Variants in SLC7A10 observed in about 807,000 individuals in gnomAD.
SLC7A10 encodes the protein asc-type amino acid transporter 1.
A neutral mutation model predicts 52.7 loss-of-function variants in SLC7A10; 30 were observed. The observed-to-expected ratio is 0.57, with a 90% CI of 0.43 to 0.77. SLC7A10 has a LOEUF of 0.77. Among genes scored for constraint, SLC7A10 ranks in the 30% least tolerant of loss-of-function variants. SLC7A10 has a pLI of 0.00. For synonymous variants in SLC7A10, 318 were observed against 314.9 expected (o/e 1.01, Z -0.10); for missense variants, 581 against 698.5 (o/e 0.83, Z 1.90).
In SLC7A10 at chr19:33,208,703, G is replaced by A. The variant is rs11542481; in HGVS notation, c.*188C>T. ...GTTTATTTATAGGCCTTTTCAGGAA[G>A]AGCTAGCAGGGCAGTGCTAAGACAG... On this transcript the variant is annotated 3_prime_UTR_variant, in exon 11 of 11. Coordinates refer to ENST00000253188, the MANE Select transcript of SLC7A10 (RefSeq NM_019849.3). The surrounding 1 kb of genome is among the most constrained non-coding windows in gnomAD (Gnocchi z 4.7). 42,337 of 710,012 alleles carry A rather than the reference G, an allele frequency of 0.06. 2,688 individuals are homozygous for A. Among genetic ancestry groups the A allele is most frequent in the African/African-American group, 0.26 (14,656 of 55,910 alleles). The allele number at this position is 710,012 out of a possible 1,614,324, so 44.0% of individuals were successfully genotyped here.
chr19:33,215,630 ACCC>A, intron 2 of SLC7A10, 136 bp downstream of exon 2: 1 of 288,770 alleles, frequency 3.5e-6, no homozygotes, highest in Non-Finnish European at 4.8e-6. Flanking sequence ...CTCTCCATCC[ACCC>A]CCCACACCTT....
In SLC7A10 at chr19:33,208,898, G is replaced by A. The variant is rs376190770; in HGVS notation, c.1565C>T (p.Pro522Leu). ...TCAGTCTCTACAAAAATCTCATTGT[G>A]GCTTCGAGGGCTTGTCTGTGGCAGG... ...LLPATDKPSKPQ is the reference protein window; with the variant it reads ...LLPATDKPSKLQ The change falls in exon 11 of 11, where the codon CCA (proline) becomes CTA (leucine). Residue 522 changes from proline (P) to leucine (L), a missense_variant. By Grantham distance (98) the Pro-to-Leu change is moderately conservative. Transcript: ENST00000253188. The surrounding 1 kb of genome is among the most constrained non-coding windows in gnomAD (Gnocchi z 4.7). 2 of 1,613,776 alleles carry A rather than the reference G, an allele frequency of 1.2e-6. No homozygotes were observed. Among genetic ancestry groups the A allele is most frequent in the African/African-American group, 2.7e-5 (2 of 74,864 alleles).
chr19:33,223,037 G>A (rs540417417), intron 1 of SLC7A10, among the ~76,000 whole-genome samples: 1 of 152,154 alleles, frequency 6.6e-6, no homozygotes. Context: ...GCTGGGCAGG[G>A]TGGCTCACAC....
chr19:33,209,733 C>G (rs574376970), intron 9 of SLC7A10, among the ~76,000 whole-genome samples: 2 of 152,268 alleles, frequency 1.3e-5, no homozygotes, highest in South Asian at 4.1e-4. Flanking sequence ...ACAGCGGTTG[C>G]GTGTGGACTT....
rs769041036 is a variant in SLC7A10, at chr19:33,210,952, A to T, written c.1017-54T>A. The T allele has an allele frequency of 2.6e-6, 4 of 1,544,392 alleles. No homozygotes were observed. The Admixed American group carries it at 6.7e-5, about 26-fold the overall frequency. ...GCCACATCCTGGGTCTCAGCTTTGG[A>T]CCTGATGTCCCTCTTAAGCTGTCGC... On this transcript the variant is annotated intron_variant, in intron 7 of 10. Transcript: ENST00000253188. The surrounding 1 kb of genome is among the most constrained non-coding windows in gnomAD (Gnocchi z 5.6).
At chr19:33,225,517 C>T (rs767949353) in intron 1 of SLC7A10, 36 bp downstream of exon 1, 6 of 1,593,086 alleles carry the variant, frequency 3.8e-6, no homozygotes, top group Middle Eastern at 1.9e-4. Context: ...CTCATTCGGC[C>T]TCCGCCCGGC....
Position 33,212,961 on chromosome 19 carries a change from G to C in SLC7A10, c.398C>G (p.Thr133Ser), listed in dbSNP as rs1280918437. The C allele has an allele frequency of 6.2e-7, 1 of 1,613,902 alleles. No individual in the cohort carries two copies. The highest frequency in any genetic ancestry group is 8.5e-7 in the Non-Finnish European group (1 of 1,179,964). The change falls in exon 3 of 11, where the codon ACC becomes AGC. Residue 133 changes from threonine (T) to serine (S), a missense_variant. Thr to Ser is a moderately conservative substitution (Grantham distance 58). Coordinates refer to ENST00000253188, the MANE Select transcript of SLC7A10 (RefSeq NM_019849.3). ...GGTCATGGAGATGACAGCAAGGCTG[G>C]TGGGGTACATGATGAGGACGGCGCT... is the stretch of plus-strand genomic sequence containing the variant. ...LWSAVLIMYPTSLAVISMTFS... is the reference protein window; with the variant it reads ...LWSAVLIMYPSSLAVISMTFS...
chr19:33,211,180 C>T, intron 7 of SLC7A10, 45 bp downstream of exon 7: 1 of 1,577,950 alleles, frequency 6.3e-7, no homozygotes, highest in South Asian at 1.1e-5. Context: ...CACACCTGCA[C>T]CCCAGCCTTC....
chr19:33,222,436 A>AAAAT (rs1456054009), intron 1 of SLC7A10, among the ~76,000 whole-genome samples: 18 of 87,746 alleles, frequency 2.1e-4, no homozygotes, highest in African/African-American at 3.6e-4. Flanking sequence ...AAAATAAAAT[A>AAAAT]AAATAAAATA....
Position 33,225,615 on chromosome 19 carries a change from G to A in SLC7A10, c.89C>T (p.Ala30Val). The A allele has an allele frequency of 6.3e-7, 1 of 1,593,754 alleles. No individual in the cohort carries two copies. The highest frequency in any genetic ancestry group is 8.5e-7 in the Non-Finnish European group (1 of 1,178,428). ...CTTCTTGAGCGCCACCCGCTCCGAG[G>A]CGCCGGGGACGGTCCCTGGGACTGG... ...PSPVPGTVPG[A>V]SERVALKKEI... The change falls in exon 1 of 11, where the codon GCC becomes GTC. Residue 30 changes from alanine to valine, a missense_variant. Coordinates refer to ENST00000253188, the MANE Select transcript of SLC7A10 (RefSeq NM_019849.3).
At chr19:33,224,620 C>T (rs1489740102) in intron 1 of SLC7A10, among the ~76,000 whole-genome samples, 1 of 152,154 alleles carries the variant, frequency 6.6e-6, no homozygotes, top group African/African-American at 2.4e-5. Flanking sequence ...AAGGTGAGAA[C>T]AGTCGAGGCC....
intron 2 of SLC7A10, 37 bp downstream of exon 2, chr19:33,215,732 G>A: frequency 6.5e-7 from 1 of 1,538,404 alleles, no homozygotes; most frequent in Non-Finnish European, 8.8e-7. Context: ...CCATTCCCAA[G>A]AGGGTGTCCC....
At position 33,215,960 on chromosome 19, in the gene SLC7A10, G is replaced by C. The variant is rs201530698; in HGVS notation, c.165C>G (p.Gly55=). 1 of 1,587,616 alleles carries C rather than the reference G, an allele frequency of 6.3e-7. No homozygotes were observed. Among genetic ancestry groups the C allele is most frequent in the East Asian group, 2.3e-5 (1 of 44,152 alleles). The change falls in exon 2 of 11, where the codon GGC becomes GGG. Residue 55 remains glycine, a synonymous_variant. Transcript: ENST00000253188. ...ACTIIIGNII[G]SGIFISPKGV... is the part of the protein sequence containing the mutation. ...CCTTGGGCGAGATGAAGATGCCCGA[G>C]CCGATGATGTTCCCTGCAGGGGGAG... is the stretch of plus-strand genomic sequence containing the variant.
intron 2 of SLC7A10, among the ~76,000 whole-genome samples, chr19:33,214,615 C>T (rs1408101708): frequency 6.6e-6 from 1 of 152,274 alleles, no homozygotes; most frequent in Non-Finnish European, 1.5e-5. Flanking sequence ...ACCTGGGCCA[C>T]CACACCCTCT....
chr19:33,208,985 A>G lies in SLC7A10; in HGVS notation c.1478T>C (p.Val493Ala). The stretch of plus-strand genomic sequence containing the variant: ...TTCGGGGGCGTCCTGGGGGTAGACC[A>G]CGAAACACAGCTCCTGGCCCCAGTG... ...MTHWGQELCF[V>A]VYPQDAPEEE... The change falls in exon 11 of 11, where the codon GTG (valine) becomes GCG (alanine). Residue 493 changes from valine to alanine, a missense_variant. By Grantham distance (64) the Val-to-Ala change is moderately conservative. Transcript: ENST00000253188. This position sits in a 1 kb window ranked among gnomAD's most constrained non-coding sequence, Gnocchi z 4.7. 3.7e-6 allele frequency: 6 copies of G among 1,613,830 alleles called. No homozygotes were observed. Among genetic ancestry groups the G allele is most frequent in the Non-Finnish European group, 5.1e-6 (6 of 1,180,022 alleles).
Position 33,210,011 on chromosome 19 carries a change from G to A in SLC7A10, c.1263+456C>T, listed in dbSNP as rs543996268. On this transcript the variant is annotated intron_variant, in intron 9 of 10. Coordinates refer to ENST00000253188, the MANE Select transcript of SLC7A10 (RefSeq NM_019849.3). This position sits in a 1 kb window ranked among gnomAD's most constrained non-coding sequence, Gnocchi z 5.6. The stretch of plus-strand genomic sequence containing the variant: ...GTTGGAGTACGGTGGCCCTAGCACC[G>A]CTCACTGCAGCCTCAACCTCCCGGG... 1.1e-4 allele frequency among the ~76,000 whole-genome samples: 17 copies of A among 150,030 alleles called. No homozygotes were observed. The South Asian group carries it at 2.3e-3, about 20-fold the overall frequency.
intron 1 of SLC7A10, among the ~76,000 whole-genome samples, chr19:33,222,049 C>T (rs1309947987): frequency 6.6e-6 from 1 of 152,146 alleles, no homozygotes; most frequent in African/African-American, 2.4e-5. Context: ...GGTCCCCAAC[C>T]CTCCCCCGTC....
Position 33,211,332 on chromosome 19 carries a change from G to T in SLC7A10, c.913-4C>A, listed in dbSNP as rs747357569. On this transcript the variant is annotated splice_region_variant and splice_polypyrimidine_tract_variant and intron_variant, in intron 6 of 10. Transcript: ENST00000253188. ...CCAGCAGCTTCTCCCCGAAGGTCTG[G>T]GTGGGCACAGTAGAGAGGCCATGTG... The T allele has an allele frequency of 1.2e-6, 2 of 1,614,068 alleles. No homozygotes were observed. The highest frequency in any genetic ancestry group is 2.2e-5 in the South Asian group (2 of 91,078).
chr19:33,225,809 C>A lies in SLC7A10; in HGVS notation c.-106G>T, dbSNP rs1219167432. ...CTCACGGCCCTCGCAGCCGGGACAG[C>A]GCCCACAGGCGGGCGCATGCGCTGG... is the stretch of plus-strand genomic sequence containing the variant. On this transcript the variant is annotated 5_prime_UTR_variant, in exon 1 of 11. Transcript: ENST00000253188. The A allele has an allele frequency of 3.2e-6, 4 of 1,247,134 alleles. No individual in the cohort carries two copies. The highest frequency in any genetic ancestry group is 2.0e-6 in the Non-Finnish European group (2 of 982,812). The allele number at this position is 1,247,134 out of a possible 1,614,324, so 77.3% of individuals were successfully genotyped here. A position where few individuals can be genotyped will look rare whatever the true frequency, so the allele number is the denominator to read the frequency against.
Sources: allele counts gnomAD v4.1 joint callset (sites outside exome capture counted in the v4.1 genomes callset), GRCh38; gene constraint gnomAD v4.1.1; non-coding constraint Gnocchi (gnomAD v3.1); transcripts MANE v1.5; gene names NCBI Gene and HGNC (gene_info 2026-07-23, HGNC 2026-07-21).